SLIT1: variants seen among roughly 807,000 people sequenced by gnomAD.
SLIT1 encodes the protein slit homolog 1 protein.
SLIT1 carries 66 observed loss-of-function variants against 186.1 expected under a neutral mutation model. The observed-to-expected ratio is 0.35, with a 90% confidence interval of 0.29 to 0.44. The LOEUF (loss-of-function observed/expected upper bound fraction) is 0.44, where lower values mean the gene tolerates loss of function less well. SLIT1 is among the 20% of genes least tolerant of loss of function. The probability of loss-of-function intolerance (pLI) is 1.00; values close to 1 mark genes in which losing one functional copy is unlikely to be tolerated. For synonymous variants in SLIT1, 761 were observed against 833.8 expected (o/e 0.91, Z 1.50); for missense variants, 1,638 against 2,037.4 (o/e 0.80, Z 3.77).
chr10:97,123,063 C>A (rs1265140537), intron 4 of SLIT1, among the ~76,000 whole-genome samples: 1 of 152,228 alleles, frequency 6.6e-6, no homozygotes, highest in Non-Finnish European at 1.5e-5. Flanking sequence ...AAGAACCCAA[C>A]CAATATCCCC....
At chr10:97,114,141 CTG>C (rs1849489579) in intron 4 of SLIT1, among the ~76,000 whole-genome samples, 1 of 152,218 alleles carries the variant, frequency 6.6e-6, no homozygotes, top group South Asian at 2.1e-4. Flanking sequence ...CACAGTGTAA[CTG>C]TCTATGGTGG....
At chr10:97,070,064 C>A (rs1342693306) in intron 4 of SLIT1, among the ~76,000 whole-genome samples, 1 of 152,220 alleles carries the variant, frequency 6.6e-6, no homozygotes, top group African/African-American at 2.4e-5. Flanking sequence ...CAACAGCAGG[C>A]ACAGGCTTGC....
chr10:97,077,689 G>A (rs1250381438), intron 4 of SLIT1, among the ~76,000 whole-genome samples: 1 of 152,186 alleles, frequency 6.6e-6, no homozygotes, highest in African/African-American at 2.4e-5. Context: ...ACAGCTCTGT[G>A]ACTCTGACTG....
intron 4 of SLIT1, among the ~76,000 whole-genome samples, chr10:97,111,539 A>G (rs1419850376): frequency 6.6e-6 from 1 of 152,250 alleles, no homozygotes; most frequent in Non-Finnish European, 1.5e-5. Flanking sequence ...GTCCACGCCT[A>G]CAAAGACTGC....
chr10:97,019,980 T>A (rs926124991), intron 26 of SLIT1, among the ~76,000 whole-genome samples: 2 of 150,820 alleles, frequency 1.3e-5, no homozygotes, highest in Non-Finnish European at 3.0e-5. Flanking sequence ...TTATTTTCCT[T>A]TATTTTTTTT....
chr10:97,135,254 G>A (rs954440130), intron 4 of SLIT1, among the ~76,000 whole-genome samples: 2 of 152,058 alleles, frequency 1.3e-5, no homozygotes, highest in East Asian at 1.9e-4. Context: ...ACGTGCCTGC[G>A]TCTTCATCTG....
intron 21 of SLIT1, among the ~76,000 whole-genome samples, chr10:97,038,748 C>T (rs1045741935): frequency 6.6e-6 from 1 of 152,192 alleles, no homozygotes; most frequent in African/African-American, 2.4e-5. Flanking sequence ...AAAAGGAGGG[C>T]TGTGCTCATC....
chr10:97,159,502 T>G (rs1178461498), intron 3 of SLIT1, among the ~76,000 whole-genome samples: 2 of 152,242 alleles, frequency 1.3e-5, no homozygotes, highest in South Asian at 2.1e-4. Context: ...CCACTGGTTT[T>G]GTTTTGTTTT....
chr10:97,130,155 G>A (rs1460513697), intron 4 of SLIT1, among the ~76,000 whole-genome samples: 1 of 152,224 alleles, frequency 6.6e-6, no homozygotes, highest in Non-Finnish European at 1.5e-5. Flanking sequence ...AATCAAGCAT[G>A]TGCTCAGATA....
intron 4 of SLIT1, among the ~76,000 whole-genome samples, chr10:97,070,272 T>C (rs1036720635): frequency 6.6e-6 from 1 of 152,234 alleles, no homozygotes; most frequent in Admixed American, 6.5e-5. Flanking sequence ...TTACGCACAA[T>C]TGATGACTCA....
intron 4 of SLIT1, among the ~76,000 whole-genome samples, chr10:97,104,104 G>A (rs1033225999): frequency 4.6e-5 from 7 of 152,042 alleles, no homozygotes; most frequent in African/African-American, 1.7e-4. Context: ...TCAAGCAGGT[G>A]AGGGGTAAAA....
At chr10:97,161,996 C>A (rs1230859877) in intron 3 of SLIT1, among the ~76,000 whole-genome samples, 1 of 152,124 alleles carries the variant, frequency 6.6e-6, no homozygotes, top group African/African-American at 2.4e-5. Context: ...AGGTGCCTGG[C>A]ATAGAGTGGT....
chr10:97,047,957 C>A lies in SLIT1; in HGVS notation c.1489+16G>T. On this transcript the variant is annotated intron_variant, in intron 15 of 36. Transcript: ENST00000266058. ...CATTCCCGCCAGGCTGGCCTTGGAT[C>A]CCCCCACTCTCCTACCTGGAATGAA... The A allele has an allele frequency of 6.2e-7, 1 of 1,613,716 alleles. No individual in the cohort carries two copies. The highest frequency in any genetic ancestry group is 8.5e-7 in the Non-Finnish European group (1 of 1,179,636).
chr10:97,053,354 C>A (rs1848808125), intron 13 of SLIT1, among the ~76,000 whole-genome samples: 1 of 152,178 alleles, frequency 6.6e-6, no homozygotes, highest in Non-Finnish European at 1.5e-5. Flanking sequence ...GGCAAGGTTT[C>A]CCCATGGGGC....
intron 4 of SLIT1, among the ~76,000 whole-genome samples, chr10:97,079,431 C>T (rs1178385860): frequency 2.0e-5 from 3 of 152,192 alleles, no homozygotes; most frequent in Admixed American, 6.5e-5. Context: ...ATATGTTATA[C>T]TTCAATTAAA....
intron 4 of SLIT1, among the ~76,000 whole-genome samples, chr10:97,116,994 G>A (rs1242239787): frequency 6.6e-6 from 1 of 152,128 alleles, no homozygotes. Context: ...CATATGGCTT[G>A]GAACTTGGTC....
At chr10:97,146,541 A>C (rs1849819446) in intron 4 of SLIT1, among the ~76,000 whole-genome samples, 1 of 151,226 alleles carries the variant, frequency 6.6e-6, no homozygotes, top group Non-Finnish European at 1.5e-5. Flanking sequence ...GTGACTACCC[A>C]CACAGAGAGG....
At position 97,021,306 on chromosome 10, in the gene SLIT1, T is replaced by C; in HGVS notation, c.2690A>G (p.Gln897Arg). 1.2e-6 allele frequency: 2 copies of C among 1,614,200 alleles called. No individual in the cohort carries two copies. Among genetic ancestry groups the C allele is most frequent in the Non-Finnish European group, 1.7e-6 (2 of 1,180,016 alleles). ...GAGGAGCAGCTTGCCCTCCATGTCC[T>C]GGGGCCCAGCACAACGAGCAATGCC... ...EPGIARCAGP[Q>R]DMEGKLLLTT... Residue 897 changes from glutamine to arginine, a missense_variant, in exon 26 of 37, where the codon CAG becomes CGG. Physicochemically the swap from Gln to Arg is conservative, Grantham distance 43. Around this residue, in one of 3 missense-constraint regions of SLIT1, gnomAD observed 1,245 missense variants for 1,535.3 expected, o/e 0.81. Transcript: ENST00000266058. This position sits in a 1 kb window ranked among gnomAD's most constrained non-coding sequence, Gnocchi z 4.5.
intron 4 of SLIT1, among the ~76,000 whole-genome samples, chr10:97,079,487 C>A (rs1564669611): frequency 6.6e-6 from 1 of 152,240 alleles, no homozygotes; most frequent in Non-Finnish European, 1.5e-5. Flanking sequence ...GCACCTGGTG[C>A]TTTGTAGGCA....
Sources: allele counts gnomAD v4.1 joint callset (sites outside exome capture counted in the v4.1 genomes callset), GRCh38; gene constraint gnomAD v4.1.1; regional missense constraint gnomAD v4.1.1; non-coding constraint Gnocchi (gnomAD v3.1); transcripts MANE v1.5; gene names NCBI Gene and HGNC (gene_info 2026-07-23, HGNC 2026-07-21).